Variants in TANC2 observed in about 807,000 individuals in gnomAD.
TANC2 encodes the protein tetratricopeptide repeat, ankyrin repeat and coiled-coil containing 2.
Under a neutral mutation model 210.5 loss-of-function variants are expected in TANC2, and 26 were observed. That is an observed-to-expected ratio of 0.12 (90% CI 0.09 to 0.17). TANC2 has a LOEUF of 0.17. TANC2 is among the 10% of genes least tolerant of loss of function. The pLI is 1.00. For synonymous variants in TANC2, 931 were observed against 967.1 expected (o/e 0.96, Z 0.69); for missense variants, 2,129 against 2,608.9 (o/e 0.82, Z 4.01).
chr17:63,005,896 T>TTGTGTG (rs56763847), intron 1 of TANC2, among the ~76,000 whole-genome samples: 1,982 of 132,814 alleles, frequency 0.015, 20 homozygotes, highest in East Asian at 0.057. Context: ...GCTGTATAGT[T>TTGTGTG]TGTGTGTGTG....
chr17:63,398,708 G>T (rs2048247835), intron 18 of TANC2, 113 bp from the exon 19 acceptor site: 3 of 631,578 alleles, frequency 4.8e-6, no homozygotes, highest in Non-Finnish European at 8.2e-6. Context: ...CCTTTTGTGT[G>T]CAAGAGATTT....
chr17:63,136,066 A>G lies in TANC2; in HGVS notation c.323-15204A>G, dbSNP rs181988567. 6.1e-4 allele frequency among the ~76,000 whole-genome samples: 93 copies of G among 152,348 alleles called. 3 individuals carry two copies. The East Asian group carries it at 0.017, about 27-fold the overall frequency. The stretch of plus-strand genomic sequence containing the variant: ...CTGCTGTAAAGAGATGTCATTTACA[A>G]CAGTTGCAGGCCATAGTAATTTGCC... On this transcript the variant is annotated intron_variant, in intron 4 of 27. Transcript: ENST00000689528.
chr17:63,359,607 C>T (rs1211396963), intron 14 of TANC2, among the ~76,000 whole-genome samples: 1 of 152,160 alleles, frequency 6.6e-6, no homozygotes, highest in Admixed American at 6.5e-5. Flanking sequence ...CTCAGCCTCC[C>T]AAAGTGCTAG....
intron 4 of TANC2, among the ~76,000 whole-genome samples, chr17:63,135,661 A>G (rs1435984270): frequency 1.3e-5 from 2 of 152,144 alleles, no homozygotes; most frequent in Non-Finnish European, 2.9e-5. Context: ...TATTTTTCCT[A>G]TGATGAACCA....
intron 7 of TANC2, among the ~76,000 whole-genome samples, chr17:63,237,087 T>C (rs549891189): frequency 7.9e-5 from 12 of 152,302 alleles, no homozygotes; most frequent in South Asian, 2.1e-4. Flanking sequence ...TAATGGTTGT[T>C]GTAATTTATA....
chr17:62,977,063 C>T (rs1012980638), intron 1 of TANC2, among the ~76,000 whole-genome samples: 3 of 152,166 alleles, frequency 2.0e-5, no homozygotes, highest in Non-Finnish European at 2.9e-5. Context: ...AAACTGTTGG[C>T]GAGTGTACCC....
intron 5 of TANC2, among the ~76,000 whole-genome samples, chr17:63,192,624 G>T (rs1307106279): frequency 1.3e-5 from 2 of 152,142 alleles, no homozygotes; most frequent in Non-Finnish European, 2.9e-5. Flanking sequence ...TCTAATCCTG[G>T]CTCTGCCATT....
At chr17:63,024,447 C>T (rs2034470831) in intron 2 of TANC2, among the ~76,000 whole-genome samples, 1 of 152,184 alleles carries the variant, frequency 6.6e-6, no homozygotes, top group Non-Finnish European at 1.5e-5. Flanking sequence ...AGAGGTCACT[C>T]TCATTGCCAT....
chr17:63,215,526 G>A (rs1417835866), intron 7 of TANC2, among the ~76,000 whole-genome samples: 1 of 152,056 alleles, frequency 6.6e-6, no homozygotes, highest in Non-Finnish European at 1.5e-5. Flanking sequence ...AGGGAGGGGA[G>A]AGAGGCTAGA....
At chr17:63,206,098 A>T (rs1036762583) in intron 7 of TANC2, among the ~76,000 whole-genome samples, 2 of 152,216 alleles carry the variant, frequency 1.3e-5, no homozygotes, top group Non-Finnish European at 2.9e-5. Flanking sequence ...ACATGAAAAG[A>T]TATTCAACAT....
intron 14 of TANC2, among the ~76,000 whole-genome samples, chr17:63,368,559 A>G (rs4968768): frequency 0.59 from 89,921 of 152,062 alleles, 29,252 homozygotes; most frequent in African/African-American, 0.87. Context: ...TAATTTAGAG[A>G]GGAATTAGAG....
intron 8 of TANC2, among the ~76,000 whole-genome samples, chr17:63,253,935 A>G (rs2043120598): frequency 6.6e-6 from 1 of 151,998 alleles, no homozygotes; most frequent in Non-Finnish European, 1.5e-5. Flanking sequence ...AAGCATGAGC[A>G]CTGTGCCTGC....
intron 4 of TANC2, among the ~76,000 whole-genome samples, chr17:63,144,034 T>C (rs2039381080): frequency 1.3e-5 from 2 of 152,158 alleles, no homozygotes; most frequent in South Asian, 4.1e-4. Context: ...TGCTAAATTT[T>C]CAATAGACTC....
rs1372730942 is a variant in TANC2 at position 63,387,325 on chromosome 17, C to T, written c.2692-1310C>T. On this transcript the variant is annotated intron_variant, in intron 15 of 27. Transcript: ENST00000689528. Reference sequence around the variant, plus strand: ...GCCTTTCCTCTAGTGTGAGAATTCCCTCTACAGGAAGTTTTTTCCTAACCC... The same window carrying T: ...GCCTTTCCTCTAGTGTGAGAATTCCTTCTACAGGAAGTTTTTTCCTAACCC... Among the ~76,000 whole-genome samples, 6 of 152,124 alleles carry T rather than the reference C, an allele frequency of 3.9e-5. No individual in the cohort carries two copies. In the East Asian group the frequency reaches 1.2e-3, roughly 29 times the overall value.
chr17:63,262,259 A>T (rs1299616629), intron 8 of TANC2, among the ~76,000 whole-genome samples: 5 of 152,110 alleles, frequency 3.3e-5, no homozygotes. Flanking sequence ...TGCTCACTGC[A>T]GCCTCAAACT....
intron 19 of TANC2, among the ~76,000 whole-genome samples, chr17:63,402,214 C>T (rs948449282): frequency 2.0e-5 from 3 of 152,166 alleles, no homozygotes; most frequent in Non-Finnish European, 4.4e-5. Flanking sequence ...CCACACCTTC[C>T]ATGCCTGTAA....
intron 4 of TANC2, among the ~76,000 whole-genome samples, chr17:63,138,850 C>T (rs762872470): frequency 6.6e-6 from 1 of 152,198 alleles, no homozygotes; most frequent in Admixed American, 6.5e-5. Context: ...TATTGACATA[C>T]CACACTTGTC....
intron 8 of TANC2, 95 bp from the exon 9 acceptor site, chr17:63,267,653 G>C: frequency 7.6e-7 from 1 of 1,318,016 alleles, no homozygotes; most frequent in Non-Finnish European, 1.0e-6. Context: ...TTTTTGGCTG[G>C]AGTAAGCCCT....
chr17:63,113,976 A>G (rs559178127), intron 4 of TANC2, among the ~76,000 whole-genome samples: 1 of 152,220 alleles, frequency 6.6e-6, no homozygotes, highest in Non-Finnish European at 1.5e-5. Flanking sequence ...AACGATTTTT[A>G]GAAAAAATTA....
Sources: gnomAD v4.1 joint callset for allele counts (sites outside exome capture counted in the v4.1 genomes callset) on GRCh38, gnomAD v4.1.1 for gene constraint, MANE v1.5 for transcripts, NCBI Gene and HGNC (gene_info 2026-07-23, HGNC 2026-07-21) for gene names.